Variants in EIF5B observed in about 807,000 individuals in gnomAD.
EIF5B encodes eukaryotic translation initiation factor 5B.
Under a neutral mutation model 147.5 loss-of-function variants are expected in EIF5B, and 47 were observed. The observed-to-expected ratio is 0.32, with a 90% CI of 0.25 to 0.41. EIF5B has a LOEUF of 0.41. Among genes scored for constraint, EIF5B ranks in the 10% least tolerant of loss-of-function variants. EIF5B has a pLI of 1.00. For synonymous variants in EIF5B, 455 were observed against 456.2 expected, an observed-to-expected ratio of 1.00 and a Z score of 0.03; for missense variants, 1,064 against 1,413.2, an observed-to-expected ratio of 0.75 and a Z score of 3.96.
intron 1 of EIF5B, among the ~76,000 whole-genome samples, chr2:99,357,940 C>A (rs1161696119): frequency 6.6e-6 from 1 of 152,174 alleles, no homozygotes; most frequent in Non-Finnish European, 1.5e-5. Flanking sequence ...TCATTTACAT[C>A]TTGCCTGCCA....
chr2:99,360,648 T>TAC, intron 3 of EIF5B, 99 bp downstream of exon 3: 1 of 1,063,882 alleles, frequency 9.4e-7, no homozygotes, highest in East Asian at 2.7e-5. Context: ...TTGAGCAGTG[T>TAC]ACAATATGTT....
intron 17 of EIF5B, 100 bp downstream of exon 17, chr2:99,390,805 C>T (rs538041070): frequency 3.9e-6 from 5 of 1,280,002 alleles, no homozygotes; most frequent in Non-Finnish European, 5.4e-6. Context: ...TGACTTAATA[C>T]AGAACACATA....
intron 12 of EIF5B, among the ~76,000 whole-genome samples, chr2:99,381,272 A>G (rs962226086): frequency 6.6e-6 from 1 of 152,188 alleles, no homozygotes; most frequent in Non-Finnish European, 1.5e-5. Flanking sequence ...TTTAGAACGT[A>G]AGGAACAAGA....
chr2:99,371,858 TG>T, intron 9 of EIF5B, 128 bp downstream of exon 9: 1 of 768,830 alleles, frequency 1.3e-6, no homozygotes, highest in South Asian at 3.9e-5. Flanking sequence ...ATAAGTCTCT[TG>T]TTCTCTCCTT....
At chr2:99,362,627 A>G (rs1485181119) in intron 4 of EIF5B, among the ~76,000 whole-genome samples, 1 of 152,076 alleles carries the variant, frequency 6.6e-6, no homozygotes, top group East Asian at 1.9e-4. Context: ...TGAACCCAGG[A>G]GGCGGAGCTT....
Position 99,361,677 on chromosome 2 carries a change from T to C in EIF5B, c.776T>C (p.Leu259Ser). 6.2e-7 allele frequency: 1 copy of C among 1,600,666 alleles called. No individual in the cohort carries two copies. Among genetic ancestry groups the C allele is most frequent in the South Asian group, 1.1e-5 (1 of 87,344 alleles). ...CGGAAGCTGAAAGAAAAAGAAGAGT[T>C]AGAAACAGGTAAAAAGGATCAGAGT... ...KLRKLKEKEE[L>S]ETGKKDQSKQ... Residue 259 changes from leucine to serine, a missense_variant, in exon 4 of 24, where the codon TTA becomes TCA. Physicochemically the swap from Leu to Ser is moderately radical, Grantham distance 145. This residue lies in a region of EIF5B where 458 missense variants were observed against 451.3 expected (regional missense o/e 1.01). Transcript: ENST00000289371.
rs374918684 is a variant in EIF5B at position 99,390,600 on chromosome 2, T to A, written c.2643T>A (p.Arg881=). The A allele has an allele frequency of 1.9e-6, 3 of 1,613,002 alleles. No homozygotes were observed. The highest frequency in any genetic ancestry group is 2.7e-5 in the African/African-American group (2 of 74,960). Residue 881 remains arginine (R), a synonymous_variant, in exon 17 of 24, where the codon CGT becomes CGA. Coordinates refer to ENST00000289371, the MANE Select transcript of EIF5B (RefSeq NM_015904.4). ...TAGATGTCATCTTGATCAATGGGCG[T>A]TTGAAGGAAGGAGATACAATCATTG... ...TTIDVILING[R]LKEGDTIIVP...
chr2:99,355,220 G>A (rs925403513), intron 1 of EIF5B, among the ~76,000 whole-genome samples: 1 of 152,134 alleles, frequency 6.6e-6, no homozygotes, highest in South Asian at 2.1e-4. Flanking sequence ...CTGGTAGTAT[G>A]ATTCCTCACA....
intron 9 of EIF5B, among the ~76,000 whole-genome samples, chr2:99,372,956 C>CT (rs1674483734): frequency 6.6e-6 from 1 of 151,900 alleles, no homozygotes; most frequent in Non-Finnish European, 1.5e-5. Flanking sequence ...GGACCAATGC[C>CT]TTAAAATCTC....
At chr2:99,363,560 C>T in intron 4 of EIF5B, 85 bp from the exon 5 acceptor site, 1 of 1,386,116 alleles carries the variant, frequency 7.2e-7, no homozygotes, top group South Asian at 1.4e-5. Context: ...CATTATGGTC[C>T]TTGAATTGTG....
chr2:99,360,510 T>C lies in EIF5B; in HGVS notation c.207T>C (p.Ala69=). 6.2e-7 allele frequency: 1 copy of C among 1,613,818 alleles called. No individual in the cohort carries two copies. Among genetic ancestry groups the C allele is most frequent in the Non-Finnish European group, 8.5e-7 (1 of 1,179,886 alleles). Residue 69 remains alanine (A), a synonymous_variant, in exon 3 of 24, where the codon GCT becomes GCC. Transcript: ENST00000289371. The part of the protein sequence containing the change: ...LKELEELSLE[A]QGIKADRETV... Reference sequence around the variant, plus strand: ...AACTGGAAGAATTGTCTTTGGAAGCTCAAGGCATCAAAGCTGACAGAGAAA... The same window carrying C: ...AACTGGAAGAATTGTCTTTGGAAGCCCAAGGCATCAAAGCTGACAGAGAAA...
In EIF5B at chr2:99,401,159, G is replaced by A; in HGVS notation, c.*1745G>A. ...AAATTTAAAATTATAAAAACTCCGA[G>A]CATTACTATCATGCACTTTGCAAAT... On this transcript the variant is annotated 3_prime_UTR_variant, in exon 24 of 24. Coordinates refer to ENST00000289371, the MANE Select transcript of EIF5B (RefSeq NM_015904.4). The A allele has an allele frequency of 1.3e-6, 1 of 742,888 alleles. No individual in the cohort carries two copies. Among genetic ancestry groups the A allele is most frequent in the Middle Eastern group, 2.6e-4 (1 of 3,850 alleles). 46.0% of individuals were successfully genotyped at this position (742,888 alleles called of 1,614,324 possible).
Position 99,363,679 on chromosome 2 carries a change from G to A in EIF5B, c.954G>A (p.Lys318=), listed in dbSNP as rs1225119106. The change falls in exon 5 of 24, where the codon AAG becomes AAA. Residue 318 remains lysine, a synonymous_variant. Transcript: ENST00000289371. ...AAGGAGACAAAAAGAAGAAAGATAA[G>A]AAGAAAAAGAAAGGAGAAAAGGAAG... ...DNEGDKKKKD[K]KKKKGEKEEK... 1.9e-6 allele frequency: 3 copies of A among 1,589,456 alleles called. No homozygotes were observed. The highest frequency in any genetic ancestry group is 2.6e-6 in the Non-Finnish European group (3 of 1,173,646).
Position 99,394,276 on chromosome 2 carries a change from A to G in EIF5B, c.2890A>G (p.Ile964Val). 6.2e-7 allele frequency: 1 copy of G among 1,609,706 alleles called. No homozygotes were observed. Among genetic ancestry groups the G allele is most frequent in the Non-Finnish European group, 8.5e-7 (1 of 1,178,896 alleles). ...CTGATTTCTTTTCAAGGATGAATTG[A>G]TCCATGAGTTAAAGCAGACACTAAA... ...DEIPVLKDEL[I>V]HELKQTLNAI... Residue 964 changes from isoleucine to valine, a missense_variant, in exon 19 of 24, where the codon ATC (isoleucine) becomes GTC (valine). Physicochemically the swap from Ile to Val is conservative, Grantham distance 29. Coordinates refer to ENST00000289371, the MANE Select transcript of EIF5B (RefSeq NM_015904.4).
At chr2:99,369,844 C>T (rs1337152795) in intron 8 of EIF5B, among the ~76,000 whole-genome samples, 5 of 151,630 alleles carry the variant, frequency 3.3e-5, no homozygotes, top group East Asian at 3.9e-4. Context: ...GGGGTGGTGG[C>T]GGGTGCCTGT....
chr2:99,391,771 C>G (rs1323621901), intron 17 of EIF5B, among the ~76,000 whole-genome samples: 1 of 149,230 alleles, frequency 6.7e-6, no homozygotes, highest in South Asian at 2.1e-4. Context: ...TCACTGTCAC[C>G]CAGGCTGGAG....
At chr2:99,391,571 C>A (rs1044475327) in intron 17 of EIF5B, among the ~76,000 whole-genome samples, 27 of 152,290 alleles carry the variant, frequency 1.8e-4, no homozygotes, top group African/African-American at 6.3e-4. Flanking sequence ...CCTCCTACCC[C>A]CTGACCTTTC....
chr2:99,357,286 A>G (rs985106427), intron 1 of EIF5B, among the ~76,000 whole-genome samples: 2 of 152,246 alleles, frequency 1.3e-5, no homozygotes, highest in African/African-American at 4.8e-5. Context: ...TCAAGCAAGT[A>G]AAAAACTAGA....
At chr2:99,386,808 G>A (rs571537303) in intron 14 of EIF5B, among the ~76,000 whole-genome samples, 72 of 152,260 alleles carry the variant, frequency 4.7e-4, no homozygotes, top group Admixed American at 1.4e-3. Context: ...GCCACCCAAA[G>A]TGCTGGGATT....
Sources: gnomAD v4.1 joint callset for allele counts (sites outside exome capture counted in the v4.1 genomes callset) on GRCh38, gnomAD v4.1.1 for gene constraint, gnomAD v4.1.1 regional missense constraint, MANE v1.5 for transcripts, NCBI Gene and HGNC (gene_info 2026-07-23, HGNC 2026-07-21) for gene names.